The following PCDH7 variants were observed in gnomAD, a reference collection of about 807,000 sequenced individuals.
PCDH7 encodes the protein protocadherin 7.
A neutral mutation model predicts 58.9 loss-of-function variants in PCDH7; 17 were observed. The observed-to-expected ratio is 0.29, with a 90% CI of 0.20 to 0.43. The LOEUF is 0.43. PCDH7 is among the 20% of genes least tolerant of loss of function. The pLI, the probability that PCDH7 is intolerant of heterozygous loss-of-function variation, is 1.00. For synonymous variants in PCDH7, 664 were observed against 616.4 expected, an observed-to-expected ratio of 1.08 and a Z score of -1.14; for missense variants, 1,274 against 1,441.0, an observed-to-expected ratio of 0.88 and a Z score of 1.88.
At chr4:30,824,087 CTTTCTTTCT>C (rs1728732579) in intron 1 of PCDH7, among the ~76,000 whole-genome samples, 1 of 19,558 alleles carries the variant, frequency 5.1e-5, no homozygotes, top group African/African-American at 2.5e-4. Flanking sequence ...TCTTTTCTTT[CTTTCTTTCT>C]TTCTTTCTTT....
At chr4:30,988,220 A>G (rs1238818161) in intron 3 of PCDH7, among the ~76,000 whole-genome samples, 1 of 152,210 alleles carries the variant, frequency 6.6e-6, no homozygotes, top group Non-Finnish European at 1.5e-5. Flanking sequence ...ATAGGAAATG[A>G]GGGATGCATA....
chr4:30,909,800 T>G (rs1344494299), intron 1 of PCDH7, among the ~76,000 whole-genome samples: 1 of 152,166 alleles, frequency 6.6e-6, no homozygotes, highest in Non-Finnish European at 1.5e-5. Context: ...ACCATTGACT[T>G]TCTTCACAGC....
At chr4:31,108,369 T>TAAAAAAAAAAAAAAAAAAAAAAAA (rs71190491) in intron 3 of PCDH7, among the ~76,000 whole-genome samples, 4 of 60,070 alleles carry the variant, frequency 6.7e-5, no homozygotes, top group African/African-American at 1.4e-4. Flanking sequence ...CAGCATACAG[T>TAAAAAAAAAAAAAAAAAAAAAAAA]AAAAAAAAAA....
At position 30,890,462 on chromosome 4, in the gene PCDH7, C is replaced by T. The variant is rs536144379; in HGVS notation, c.71-29691C>T. On this transcript the variant is annotated intron_variant, in intron 1 of 3. Transcript: ENST00000509759. ...GTGTCTGCTAAAAGATGGAATTGCA[C>T]TAGATTTCATCGTTTATTTTTCTTG... Among the ~76,000 whole-genome samples, 3 of 111,162 alleles carry T rather than the reference C, an allele frequency of 2.7e-5. No homozygotes were observed. In the South Asian group the frequency reaches 6.8e-4, roughly 25 times the overall value. The allele number at this position is 111,162 out of a possible 152,430, so 72.9% of individuals were successfully genotyped here.
chr4:31,121,033 C>T (rs1303132221), intron 3 of PCDH7, among the ~76,000 whole-genome samples: 1 of 152,136 alleles, frequency 6.6e-6, no homozygotes, highest in African/African-American at 2.4e-5. Context: ...TGGATAAATG[C>T]ATGCCACTCA....
intron 3 of PCDH7, among the ~76,000 whole-genome samples, chr4:31,020,762 C>G (rs1027798797): frequency 2.0e-5 from 3 of 152,184 alleles, no homozygotes; most frequent in Non-Finnish European, 4.4e-5. Context: ...CAAATGCAAT[C>G]CAGGCCTAAT....
chr4:30,735,574 A>G (rs1313781818), downstream of PCDH7, among the ~76,000 whole-genome samples: 1 of 152,218 alleles, frequency 6.6e-6, no homozygotes. Context: ...AAACTGCTCT[A>G]AGTGGATAAC....
At chr4:30,994,861 G>T (rs1399668557) in intron 3 of PCDH7, among the ~76,000 whole-genome samples, 1 of 152,056 alleles carries the variant, frequency 6.6e-6, no homozygotes, top group Non-Finnish European at 1.5e-5. Context: ...TAAAATCTGG[G>T]CTGTTTAATG....
rs182696309 is a variant in PCDH7, at chr4:30,817,311, T to C, written c.70+92715T>C. Among the ~76,000 whole-genome samples the C allele has an allele frequency of 4.2e-4, 64 of 152,312 alleles. 1 individual carries two copies. The East Asian group carries it at 0.011, about 27-fold the overall frequency. ...ATACAGTTTCTGAGGCTTTTACTTA[T>C]AGTGCTCAAGCATTTTAGATTCATT... is the stretch of plus-strand genomic sequence containing the variant. On this transcript the variant is annotated intron_variant, in intron 1 of 3. Coordinates refer to the PCDH7 transcript ENST00000509759.
chr4:30,724,006 A>T, exon 1 of PCDH7: 1 of 1,614,136 alleles, frequency 6.2e-7, no homozygotes, highest in African/African-American at 1.3e-5. Context: ...CATCCCACTC[A>T]CCCAGGATAT....
In PCDH7 at chr4:30,766,490, A is replaced by G. The variant is rs148636880; in HGVS notation, c.70+41894A>G. ...AAGACTTGTGGTGTGCTAAATGACA[A>G]TGACACATAATCTGGAATTTAATCT... On this transcript the variant is annotated intron_variant, in intron 1 of 3. Transcript: ENST00000509759. 7.3e-3 allele frequency among the ~76,000 whole-genome samples: 1,111 copies of G among 152,276 alleles called. 12 individuals carry two copies. The highest frequency in any genetic ancestry group is 0.025 in the African/African-American group (1,027 of 41,548).
chr4:30,790,790 G>A (rs1724012907), intron 1 of PCDH7, among the ~76,000 whole-genome samples: 1 of 152,040 alleles, frequency 6.6e-6, no homozygotes, highest in Admixed American at 6.6e-5. Flanking sequence ...CGGGTGTGGT[G>A]GCAGGTGCCT....
intron 1 of PCDH7, among the ~76,000 whole-genome samples, chr4:30,729,032 C>T (rs189820227): frequency 1.3e-5 from 2 of 151,740 alleles, no homozygotes; most frequent in South Asian, 2.1e-4. Flanking sequence ...TACATGAAAT[C>T]ACTAGCATCA....
chr4:30,888,088 C>T (rs1431026396), intron 1 of PCDH7, among the ~76,000 whole-genome samples: 2 of 152,078 alleles, frequency 1.3e-5, no homozygotes, highest in Non-Finnish European at 2.9e-5. Context: ...GTTGGTCAGT[C>T]TGGTCTCGAA....
intron 3 of PCDH7, among the ~76,000 whole-genome samples, chr4:31,027,648 C>T (rs547119530): frequency 6.6e-6 from 1 of 152,220 alleles, no homozygotes; most frequent in African/African-American, 2.4e-5. Flanking sequence ...GCTTCAATCT[C>T]CTGACCTCAT....
intron 3 of PCDH7, among the ~76,000 whole-genome samples, chr4:31,100,164 G>C (rs900607601): frequency 5.3e-5 from 8 of 152,026 alleles, no homozygotes; most frequent in South Asian, 2.1e-4. Context: ...CTCAAGAAAG[G>C]TCTCAAAAAG....
chr4:30,734,598 A>G (rs1202526196), downstream of PCDH7, among the ~76,000 whole-genome samples: 1 of 152,158 alleles, frequency 6.6e-6, no homozygotes, highest in Non-Finnish European at 1.5e-5. Context: ...AACAACTAGA[A>G]TAAGTTCCCT....
chr4:31,079,463 A>G (rs1021857010), intron 3 of PCDH7, among the ~76,000 whole-genome samples: 1 of 150,360 alleles, frequency 6.7e-6, no homozygotes, highest in Non-Finnish European at 1.5e-5. Flanking sequence ...CTAGTAACCA[A>G]GAAAGGTTGA....
intron 1 of PCDH7, among the ~76,000 whole-genome samples, chr4:30,791,071 A>G (rs1724066293): frequency 6.6e-6 from 1 of 152,180 alleles, no homozygotes; most frequent in Admixed American, 6.5e-5. Context: ...GTGTCAAAAA[A>G]CATTTTGAAA....
Sources: allele counts gnomAD v4.1 joint callset (sites outside exome capture counted in the v4.1 genomes callset), GRCh38; gene constraint gnomAD v4.1.1; transcripts MANE v1.5; gene names NCBI Gene and HGNC (gene_info 2026-07-23, HGNC 2026-07-21).